Variants in MALL observed in about 807,000 individuals in gnomAD.
MALL encodes MAL-like protein.
A neutral mutation model predicts 10.3 loss-of-function variants in MALL; 2 were observed. That is an observed-to-expected ratio of 0.19 (90% CI 0.08 to 0.61). The LOEUF is 0.61. Among genes scored for constraint, MALL ranks in the 20% least tolerant of loss-of-function variants. The pLI, the probability that MALL is intolerant of heterozygous loss-of-function variation, is 0.88. For synonymous variants in MALL, 27 were observed against 51.8 expected, an observed-to-expected ratio of 0.52 and a Z score of 2.05; for missense variants, 39 against 115.2, an observed-to-expected ratio of 0.34 and a Z score of 3.03.
chr2:110,103,421 G>C (rs1033921823), intron 1 of MALL, among the ~76,000 whole-genome samples: 4 of 152,066 alleles, frequency 2.6e-5, no homozygotes, highest in Non-Finnish European at 5.9e-5. Context: ...AGAGATGAGG[G>C]GGCAAAGGTC....
chr2:110,113,792 A>T (rs924838437), intron 1 of MALL, among the ~76,000 whole-genome samples: 1 of 152,146 alleles, frequency 6.6e-6, no homozygotes, highest in Non-Finnish European at 1.5e-5. Context: ...GCACAGTATC[A>T]GTGTTAGTTT....
rs1032710704 is a variant in MALL, at chr2:110,106,661, C to G, written c.105+9027G>C. Among the ~76,000 whole-genome samples, 2 of 152,098 alleles carry G rather than the reference C, an allele frequency of 1.3e-5. 1 individual carries two copies. The highest frequency in any genetic ancestry group is 2.9e-5 in the Non-Finnish European group (2 of 68,018). On this transcript the variant is annotated intron_variant, in intron 1 of 3. Transcript: ENST00000272462. ...CCAGCCACTCTGGAAAATAGTTTGT[C>G]AGTTTCTTAATAAAGCGTACACTTA...
intron 1 of MALL, among the ~76,000 whole-genome samples, chr2:110,105,241 G>A (rs912466809): frequency 3.3e-5 from 5 of 152,218 alleles, no homozygotes; most frequent in African/African-American, 1.2e-4. Context: ...TCCCAGAGTA[G>A]GGGCTGGGCC....
Position 110,097,350 on chromosome 2 carries a change from A to G in MALL, c.106-5580T>C, listed in dbSNP as rs565827107. On this transcript the variant is annotated intron_variant, in intron 1 of 3. Transcript: ENST00000272462. The stretch of plus-strand genomic sequence containing the variant: ...TTGGCTTGGAGACAGTTTTGAATGT[A>G]GGACCCTGTTCACGTTTAAACTAAC... The G allele has an allele frequency of 1.1e-4, 43 of 408,948 alleles. 2 individuals are homozygous for G. The highest frequency in any genetic ancestry group is 6.9e-4 in the South Asian group (37 of 53,912). The allele number at this position is 408,948 out of a possible 1,614,324, so 25.3% of individuals were successfully genotyped here.
intron 1 of MALL, among the ~76,000 whole-genome samples, chr2:110,101,132 C>T (rs1215336723): frequency 6.6e-6 from 1 of 152,088 alleles, no homozygotes; most frequent in Admixed American, 6.5e-5. Context: ...TGTCACTGGC[C>T]CTGCAGCCTC....
At chr2:110,115,835 C>G, upstream of MALL, 2 of 950,342 alleles carry the variant, frequency 2.1e-6, no homozygotes, top group Admixed American at 4.3e-5. Context: ...CTCGCCCGCG[C>G]GCAGCCTGTC....
intron 1 of MALL, among the ~76,000 whole-genome samples, chr2:110,100,135 G>A (rs1678531794): frequency 6.6e-6 from 1 of 152,042 alleles, no homozygotes; most frequent in African/African-American, 2.4e-5. Flanking sequence ...CTATGAGTGA[G>A]ACTCATTCAT....
chr2:110,111,072 T>C (rs916430725), intron 1 of MALL, among the ~76,000 whole-genome samples: 2 of 152,114 alleles, frequency 1.3e-5, no homozygotes, highest in East Asian at 1.9e-4. Flanking sequence ...CATATCTTAA[T>C]GTAATAAAAG....
At chr2:110,101,021 TG>T (rs1309234440) in intron 1 of MALL, among the ~76,000 whole-genome samples, 1 of 151,424 alleles carries the variant, frequency 6.6e-6, no homozygotes, top group South Asian at 2.1e-4. Flanking sequence ...TGGGTGCTCC[TG>T]GGCAGGGCTC....
At chr2:110,104,698 G>A (rs1678649262) in intron 1 of MALL, among the ~76,000 whole-genome samples, 1 of 152,096 alleles carries the variant, frequency 6.6e-6, no homozygotes, top group African/African-American at 2.4e-5. Flanking sequence ...TGGCTCCCAG[G>A]GCCTCTGGGC....
intron 1 of MALL, among the ~76,000 whole-genome samples, chr2:110,096,164 C>A (rs1356546789): frequency 6.6e-6 from 1 of 152,060 alleles, no homozygotes; most frequent in Non-Finnish European, 1.5e-5. Flanking sequence ...TCAAGAAAGC[C>A]CCAGGGTCTG....
intron 1 of MALL, among the ~76,000 whole-genome samples, chr2:110,109,260 C>T (rs992758652): frequency 3.9e-5 from 6 of 151,902 alleles, no homozygotes; most frequent in African/African-American, 1.2e-4. Context: ...GACACAAAAC[C>T]ACAGAATGGA....
chr2:110,106,669 T>C (rs957246282), intron 1 of MALL, among the ~76,000 whole-genome samples: 3 of 152,140 alleles, frequency 2.0e-5, no homozygotes, highest in Admixed American at 1.3e-4. Flanking sequence ...GTCAGTTTCT[T>C]AATAAAGCGT....
chr2:110,099,750 A>G (rs530702441), intron 1 of MALL, among the ~76,000 whole-genome samples: 1 of 152,262 alleles, frequency 6.6e-6, no homozygotes, highest in African/African-American at 2.4e-5. Flanking sequence ...AAGGGGGCAC[A>G]GGGCACAATG....
chr2:110,104,930 T>G (rs1574034590), intron 1 of MALL, among the ~76,000 whole-genome samples: 1 of 152,344 alleles, frequency 6.6e-6, no homozygotes, highest in East Asian at 1.9e-4. Context: ...GTTACTTGTC[T>G]TACAATGCGC....
chr2:110,100,099 C>G (rs1678531100), intron 1 of MALL, among the ~76,000 whole-genome samples: 1 of 152,088 alleles, frequency 6.6e-6, no homozygotes, highest in African/African-American at 2.4e-5. Context: ...GCCTCCACCA[C>G]TTCCCCCAGT....
upstream of MALL, among the ~76,000 whole-genome samples, chr2:110,116,986 G>A (rs562545203): frequency 1.3e-5 from 2 of 152,330 alleles, no homozygotes; most frequent in East Asian, 1.9e-4. Context: ...AGACCAGCCA[G>A]CTTGGCCTTT....
intron 1 of MALL, among the ~76,000 whole-genome samples, chr2:110,114,444 G>A (rs1678866840): frequency 6.6e-6 from 1 of 151,856 alleles, no homozygotes; most frequent in Admixed American, 6.6e-5. Context: ...AGCCACCCAT[G>A]CAGCTGCTCC....
chr2:110,096,591 A>G (rs1678444765), intron 1 of MALL, among the ~76,000 whole-genome samples: 1 of 152,032 alleles, frequency 6.6e-6, no homozygotes, highest in Non-Finnish European at 1.5e-5. Context: ...AGGATGGGAA[A>G]TTCACTTTTG....
Sources: allele counts gnomAD v4.1 joint callset (sites outside exome capture counted in the v4.1 genomes callset), GRCh38; gene constraint gnomAD v4.1.1; transcripts MANE v1.5; gene names NCBI Gene and HGNC (gene_info 2026-07-23, HGNC 2026-07-21).